The following ADGRL2 variants were observed in gnomAD, a reference collection of about 807,000 sequenced individuals.
ADGRL2 encodes adhesion G protein-coupled receptor L2.
In ADGRL2, 44 loss-of-function variants were observed where a neutral mutation model predicts 157.4. That is an observed-to-expected ratio of 0.28 (90% CI 0.22 to 0.36). ADGRL2 has a LOEUF of 0.36. Ranked by LOEUF, ADGRL2 falls within the 10% of genes least tolerant of loss-of-function variation. The probability of loss-of-function intolerance (pLI) is 1.00; values close to 1 mark genes in which losing one functional copy is unlikely to be tolerated. For missense variants in ADGRL2, 1,510 were observed against 1,768.9 expected (o/e 0.85, Z 2.63); for synonymous variants, 585 against 624.7 (o/e 0.94, Z 0.95).
At chr1:81,420,328 T>C (rs2077102979) in intron 1 of ADGRL2, among the ~76,000 whole-genome samples, 1 of 152,268 alleles carries the variant, frequency 6.6e-6, no homozygotes, top group African/African-American at 2.4e-5. Context: ...GGCTTGTTTT[T>C]GTTTTAAGTA....
intron 1 of ADGRL2, among the ~76,000 whole-genome samples, chr1:81,399,130 AAGAG>A (rs920631523): frequency 1.3e-5 from 2 of 152,102 alleles, no homozygotes; most frequent in Non-Finnish European, 2.9e-5. Flanking sequence ...GGCAAAGCAA[AAGAG>A]AGAGAGAGTG....
intron 1 of ADGRL2, among the ~76,000 whole-genome samples, chr1:81,439,903 G>A (rs1043278852): frequency 1.6e-4 from 25 of 152,300 alleles, no homozygotes; most frequent in African/African-American, 5.3e-4. Context: ...TGAAGGATGG[G>A]GAAGGCAGAG....
intron 1 of ADGRL2, among the ~76,000 whole-genome samples, chr1:81,751,698 C>A (rs192839180): frequency 1.3e-5 from 2 of 152,112 alleles, no homozygotes; most frequent in African/African-American, 4.8e-5. Context: ...TCAGTATTAA[C>A]TTTCTGATTT....
intron 2 of ADGRL2, among the ~76,000 whole-genome samples, chr1:81,873,316 G>A (rs2093746960): frequency 6.6e-6 from 1 of 152,080 alleles, no homozygotes; most frequent in African/African-American, 2.4e-5. Flanking sequence ...ATTATCATTA[G>A]CCTCTTTTTA....
chr1:81,517,504 C>T (rs1033818564), intron 2 of ADGRL2, among the ~76,000 whole-genome samples: 6 of 148,780 alleles, frequency 4.0e-5, no homozygotes, highest in South Asian at 2.1e-4. Context: ...GTCAAAACCA[C>T]GATCCTTCGG....
At chr1:81,733,484 G>A (rs922038410) in intron 1 of ADGRL2, among the ~76,000 whole-genome samples, 1 of 152,118 alleles carries the variant, frequency 6.6e-6, no homozygotes, top group African/African-American at 2.4e-5. Flanking sequence ...AGTACCTCAG[G>A]TGTCTCCCAG....
intron 1 of ADGRL2, among the ~76,000 whole-genome samples, chr1:81,313,044 C>A (rs1449715697): frequency 6.6e-6 from 1 of 152,094 alleles, no homozygotes; most frequent in Non-Finnish European, 1.5e-5. Flanking sequence ...ATAATGTCTG[C>A]TACATGCCCA....
Position 81,966,512 on chromosome 1 carries a change from T to C in ADGRL2, c.2252T>C (p.Ile751Thr). The C allele has an allele frequency of 6.2e-7, 1 of 1,613,904 alleles. No homozygotes were observed. The highest frequency in any genetic ancestry group is 2.2e-5 in the East Asian group (1 of 44,868). The part of the protein sequence containing the change: ...GADFIGRNST[I>T]AVNSHVISVS... ...GATTTTATTGGTCGTAATAGCACCA[T>C]TGCAGTGAACTCTCACGTCATTTCA... The change falls in exon 13 of 24, where the codon ATT (isoleucine) becomes ACT (threonine). Residue 751 changes from isoleucine to threonine, a missense_variant. By Grantham distance (89) the Ile-to-Thr change is moderately conservative. Coordinates refer to ENST00000686636, the MANE Select transcript of ADGRL2 (RefSeq NM_001366006.2).
chr1:81,425,865 A>ATTTT (rs1371716501), intron 1 of ADGRL2, among the ~76,000 whole-genome samples: 1 of 151,682 alleles, frequency 6.6e-6, no homozygotes, highest in South Asian at 2.1e-4. Flanking sequence ...ATACAAATTT[A>ATTTT]TTTATTTATT....
intron 3 of ADGRL2, among the ~76,000 whole-genome samples, chr1:81,931,363 G>C (rs1327483249): frequency 6.6e-6 from 1 of 152,072 alleles, no homozygotes; most frequent in African/African-American, 2.4e-5. Flanking sequence ...GTTATATTTG[G>C]AATTCTCAGG....
intron 2 of ADGRL2, among the ~76,000 whole-genome samples, chr1:81,552,881 T>G (rs1237430978): frequency 6.6e-6 from 1 of 152,222 alleles, no homozygotes; most frequent in African/African-American, 2.4e-5. Flanking sequence ...AATCAAAGTT[T>G]AAATTACTAT....
At chr1:81,475,807 T>A (rs1180034312) in intron 2 of ADGRL2, among the ~76,000 whole-genome samples, 1 of 152,164 alleles carries the variant, frequency 6.6e-6, no homozygotes, top group African/African-American at 2.4e-5. Context: ...CAACTTGGGT[T>A]AATAGTGCCC....
At chr1:81,315,433 G>A (rs1268511411) in intron 1 of ADGRL2, among the ~76,000 whole-genome samples, 1 of 151,928 alleles carries the variant, frequency 6.6e-6, no homozygotes, top group Non-Finnish European at 1.5e-5. Context: ...TTACCACTGG[G>A]GGTCTTTTAT....
At chr1:81,690,272 C>T (rs2083306025) in intron 3 of ADGRL2, among the ~76,000 whole-genome samples, 1 of 152,182 alleles carries the variant, frequency 6.6e-6, no homozygotes, top group Non-Finnish European at 1.5e-5. Context: ...GTGGGCACAT[C>T]ACTTGAGGTC....
At chr1:81,715,629 T>C (rs771262247) in intron 1 of ADGRL2, among the ~76,000 whole-genome samples, 3 of 152,074 alleles carry the variant, frequency 2.0e-5, no homozygotes, top group Admixed American at 1.3e-4. Flanking sequence ...TAATGCGACA[T>C]GACGTGCCTG....
chr1:81,970,481 A>C lies in ADGRL2; in HGVS notation c.2901A>C (p.Thr967=). Residue 967 remains threonine (T), a synonymous_variant, in exon 16 of 24, where the codon ACA becomes ACC. Transcript: ENST00000686636. ...YYVAGYLFPA[T]VVGVSAAIDY... ...TTGCTGGTTACTTGTTTCCTGCCAC[A>C]GTGGTTGGAGTTTCAGCTGCTATTG... 1 of 1,575,932 alleles carries C rather than the reference A, an allele frequency of 6.3e-7. No homozygotes were observed. The highest frequency in any genetic ancestry group is 1.4e-5 in the African/African-American group (1 of 72,534).
At chr1:81,565,869 C>T (rs1570520748) in intron 2 of ADGRL2, among the ~76,000 whole-genome samples, 1 of 152,084 alleles carries the variant, frequency 6.6e-6, no homozygotes, top group Non-Finnish European at 1.5e-5. Context: ...CTATAAGGAT[C>T]TATTGATTAG....
At position 81,312,568 on chromosome 1, in the gene ADGRL2, C is replaced by A. The variant is rs554541589; in HGVS notation, c.-302+6059C>A. ...GGAACTAAACATATGGATTTTCTAC[C>A]CATTGAGGTACTCTAACCACATGCT... On this transcript the variant is annotated intron_variant, in intron 1 of 24. Transcript: ENST00000370721. Among the ~76,000 whole-genome samples the A allele has an allele frequency of 5.3e-5, 8 of 152,286 alleles. No homozygotes were observed. The East Asian group carries it at 1.4e-3, about 26-fold the overall frequency.
At chr1:81,545,663 G>A (rs776966995) in intron 2 of ADGRL2, among the ~76,000 whole-genome samples, 2 of 152,060 alleles carry the variant, frequency 1.3e-5, no homozygotes, top group Non-Finnish European at 2.9e-5. Flanking sequence ...TAGGCTTATG[G>A]GGAGCTTCAG....
Sources: gnomAD v4.1 joint callset for allele counts (sites outside exome capture counted in the v4.1 genomes callset) on GRCh38, gnomAD v4.1.1 for gene constraint, MANE v1.5 for transcripts, NCBI Gene and HGNC (gene_info 2026-07-23, HGNC 2026-07-21) for gene names.